The following CSMD3 variants were observed in gnomAD, a reference collection of about 807,000 sequenced individuals.
CSMD3 encodes CUB and sushi domain-containing protein 3.
Under a neutral mutation model 435.2 loss-of-function variants are expected in CSMD3, and 177 were observed. The ratio of observed to expected loss-of-function variants is 0.41; its 90% CI spans 0.36 to 0.46. CSMD3 has a LOEUF of 0.46. Ranked by LOEUF, CSMD3 falls within the 20% of genes least tolerant of loss-of-function variation. The pLI is 0.34. For synonymous variants in CSMD3, 1,656 were observed against 1,520.5 expected, an observed-to-expected ratio of 1.09 and a Z score of -2.07; for missense variants, 4,265 against 4,504.6, an observed-to-expected ratio of 0.95 and a Z score of 1.52.
chr8:113,320,445 G>A (rs1388288353), intron 1 of CSMD3, among the ~76,000 whole-genome samples: 1 of 152,034 alleles, frequency 6.6e-6, no homozygotes, highest in Non-Finnish European at 1.5e-5. Context: ...TATATGTATA[G>A]TAGTTTAATG....
At chr8:113,329,566 A>G (rs907700660) in intron 1 of CSMD3, among the ~76,000 whole-genome samples, 1 of 152,194 alleles carries the variant, frequency 6.6e-6, no homozygotes. Flanking sequence ...AGAGGTGAGG[A>G]CAGCAAGGAT....
intron 31 of CSMD3, among the ~76,000 whole-genome samples, chr8:112,483,367 C>A (rs1819813054): frequency 6.6e-6 from 1 of 152,032 alleles, no homozygotes; most frequent in Non-Finnish European, 1.5e-5. Flanking sequence ...GTGGCAGGTG[C>A]CTATAATCCT....
chr8:112,281,024 GGTAACTACT>G (rs1409985327), intron 59 of CSMD3, 141 bp downstream of exon 59: 2 of 645,590 alleles, frequency 3.1e-6, no homozygotes, highest in African/African-American at 3.7e-5. Flanking sequence ...ACTCAGCCAT[GGTAACTACT>G]ATAATCCTTT....
chr8:112,594,435 T>G (rs1356257769), intron 22 of CSMD3, among the ~76,000 whole-genome samples: 1 of 151,952 alleles, frequency 6.6e-6, no homozygotes, highest in African/African-American at 2.4e-5. Flanking sequence ...GCAGCCAGGC[T>G]GGGGGAGGGG....
chr8:113,318,451 C>T (rs2093926156), intron 1 of CSMD3, among the ~76,000 whole-genome samples: 1 of 152,022 alleles, frequency 6.6e-6, no homozygotes, highest in Non-Finnish European at 1.5e-5. Context: ...CTAAAATATA[C>T]TTATTTAACA....
chr8:112,287,104 T>C lies in CSMD3; in HGVS notation c.9291A>G (p.Leu3097=). ...ILHGSEERTC[L]ANGSWTGRQP... is the part of the protein sequence containing the mutation. The stretch of plus-strand genomic sequence containing the variant: ...GCCTTCCGGTCCAACTGCCATTAGC[T>C]AAACATGTTCTTTCTTCTGAGCCAT... Residue 3097 remains leucine, a synonymous_variant, in exon 58 of 71, where the codon TTA becomes TTG. Transcript: ENST00000297405. 6.8e-6 allele frequency: 11 copies of C among 1,613,758 alleles called. No homozygotes were observed. Among genetic ancestry groups the C allele is most frequent in the Non-Finnish European group, 8.5e-6 (10 of 1,179,816 alleles).
chr8:112,263,243 GC>G (rs1010499954), intron 61 of CSMD3, among the ~76,000 whole-genome samples: 8 of 151,610 alleles, frequency 5.3e-5, no homozygotes, highest in African/African-American at 1.9e-4. Flanking sequence ...CATGACAAAT[GC>G]CATCATAAGA....
At chr8:113,088,659 A>G (rs1000366676) in intron 5 of CSMD3, among the ~76,000 whole-genome samples, 5 of 143,532 alleles carry the variant, frequency 3.5e-5, no homozygotes, top group African/African-American at 5.2e-5. Context: ...GAATTGAACA[A>G]TGAGAACACA....
At chr8:112,492,742 T>G (rs915819290) in intron 30 of CSMD3, 59 bp from the exon 31 acceptor site, 1 of 1,332,684 alleles carries the variant, frequency 7.5e-7, no homozygotes. Flanking sequence ...CACTCCGTAA[T>G]ACATGGGTTC....
chr8:113,220,965 A>C (rs7833784), intron 3 of CSMD3, among the ~76,000 whole-genome samples: 2 of 151,348 alleles, frequency 1.3e-5, no homozygotes, highest in African/African-American at 4.8e-5. Context: ...CCAAATAATA[A>C]AAGTTATATT....
intron 6 of CSMD3, among the ~76,000 whole-genome samples, chr8:112,992,775 T>C (rs1289661272): frequency 6.6e-6 from 1 of 151,534 alleles, no homozygotes; most frequent in Non-Finnish European, 1.5e-5. Context: ...TGTCAATGGG[T>C]AGTGTTTGTG....
rs531166410 is a variant in CSMD3, at chr8:113,256,777, T to A, written c.514+21815A>T. On this transcript the variant is annotated intron_variant, in intron 3 of 70. Transcript: ENST00000297405. The stretch of plus-strand genomic sequence containing the variant: ...GTGATGATACTTTGGAATAACATGA[T>A]GACCAAACAGACATTGCAAGTTTTA... 9.2e-5 allele frequency among the ~76,000 whole-genome samples: 14 copies of A among 152,292 alleles called. No homozygotes were observed. The East Asian group carries it at 2.7e-3, about 29-fold the overall frequency.
At chr8:112,558,943 C>T (rs1828370738) in intron 24 of CSMD3, among the ~76,000 whole-genome samples, 1 of 151,768 alleles carries the variant, frequency 6.6e-6, no homozygotes, top group Non-Finnish European at 1.5e-5. Flanking sequence ...GCTTGATGAA[C>T]TCTAAATTTT....
intron 10 of CSMD3, among the ~76,000 whole-genome samples, chr8:112,859,516 C>T (rs1461880279): frequency 6.6e-6 from 1 of 151,716 alleles, no homozygotes; most frequent in Non-Finnish European, 1.5e-5. Flanking sequence ...ATGATAAATG[C>T]TTCTCTGACT....
intron 5 of CSMD3, among the ~76,000 whole-genome samples, chr8:113,071,803 C>G (rs1195504450): frequency 2.6e-5 from 4 of 151,746 alleles, no homozygotes; most frequent in Non-Finnish European, 5.9e-5. Flanking sequence ...TGGAGTCTTT[C>G]AGGGATCCAT....
rs1430971526 is a variant in CSMD3, at chr8:112,289,263, A to G, written c.9148+102T>C. The G allele has an allele frequency of 4.0e-6, 4 of 991,118 alleles. No individual in the cohort carries two copies. In the African/African-American group the frequency reaches 6.4e-5, roughly 16 times the overall value. 61.4% of individuals were successfully genotyped at this position (991,118 alleles called of 1,614,324 possible). On this transcript the variant is annotated intron_variant, in intron 57 of 70. Coordinates refer to ENST00000297405, the MANE Select transcript of CSMD3 (RefSeq NM_198123.2). ...TTCTTATGAGATTTTTCAGAGAGAA[A>G]TATATTTTAAGTCTTTAGATTGTTT...
At chr8:112,535,346 C>A (rs937376011) in intron 27 of CSMD3, among the ~76,000 whole-genome samples, 1 of 152,124 alleles carries the variant, frequency 6.6e-6, no homozygotes, top group Non-Finnish European at 1.5e-5. Context: ...AATCAGTGTA[C>A]AAAAATCACG....
chr8:112,579,553 A>C (rs1830190362), intron 23 of CSMD3, among the ~76,000 whole-genome samples: 1 of 152,054 alleles, frequency 6.6e-6, no homozygotes, highest in Non-Finnish European at 1.5e-5. Flanking sequence ...TCTTGTTTTT[A>C]ATATAATTTA....
intron 5 of CSMD3, among the ~76,000 whole-genome samples, chr8:113,039,771 A>C (rs761517990): frequency 5.3e-5 from 8 of 152,348 alleles, no homozygotes; most frequent in Admixed American, 1.3e-4. Context: ...GGCAACAAAA[A>C]TTTTAATAAA....
Sources: gnomAD v4.1 joint callset for allele counts (sites outside exome capture counted in the v4.1 genomes callset) on GRCh38, gnomAD v4.1.1 for gene constraint, MANE v1.5 for transcripts, NCBI Gene and HGNC (gene_info 2026-07-23, HGNC 2026-07-21) for gene names.